The following ITPR2 variants were observed in gnomAD, a reference collection of about 807,000 sequenced individuals.
The protein encoded by ITPR2 is inositol 1,4,5-trisphosphate-gated calcium channel ITPR2.
A neutral mutation model predicts 317.1 loss-of-function variants in ITPR2; 207 were observed. That is an observed-to-expected ratio of 0.65 (90% CI 0.58 to 0.73). The LOEUF (loss-of-function observed/expected upper bound fraction) is 0.73, where lower values mean the gene tolerates loss of function less well. Among genes scored for constraint, ITPR2 ranks in the 30% least tolerant of loss-of-function variants. ITPR2 has a pLI of 0.00. For synonymous variants in ITPR2, 1,156 were observed against 1,149.1 expected, an observed-to-expected ratio of 1.01 and a Z score of -0.12; for missense variants, 2,613 against 3,284.0, an observed-to-expected ratio of 0.80 and a Z score of 4.99.
intron 23 of ITPR2, among the ~76,000 whole-genome samples, chr12:26,626,719 G>T (rs773321179): frequency 1.3e-5 from 2 of 152,252 alleles, no homozygotes; most frequent in Non-Finnish European, 2.9e-5. Context: ...GATTCAGACA[G>T]CAGGACAGTT....
At chr12:26,665,858 T>C (rs1947614140) in intron 14 of ITPR2, 52 bp downstream of exon 14, 1 of 1,501,094 alleles carries the variant, frequency 6.7e-7, no homozygotes, top group Non-Finnish European at 9.1e-7. Context: ...CCTTTCCTGA[T>C]ACTGTAATTC....
At chr12:26,747,092 C>T (rs540046259) in intron 2 of ITPR2, among the ~76,000 whole-genome samples, 1 of 152,264 alleles carries the variant, frequency 6.6e-6, no homozygotes, top group East Asian at 1.9e-4. Context: ...GGTTAAACGC[C>T]ACTTAGTCAA....
intron 4 of ITPR2, among the ~76,000 whole-genome samples, chr12:26,724,138 C>A (rs1948882024): frequency 6.6e-6 from 1 of 151,988 alleles, no homozygotes; most frequent in Non-Finnish European, 1.5e-5. Context: ...AAAGGTGGGG[C>A]ATATATTAAC....
intron 13 of ITPR2, among the ~76,000 whole-genome samples, chr12:26,677,599 C>CAA (rs5797190): frequency 2.7e-5 from 4 of 149,650 alleles, no homozygotes; most frequent in African/African-American, 4.9e-5. Context: ...GACCCTCTCT[C>CAA]AAAAAAAAAT....
chr12:26,714,207 G>A (rs528212788), intron 8 of ITPR2, among the ~76,000 whole-genome samples: 3 of 152,190 alleles, frequency 2.0e-5, no homozygotes, highest in Admixed American at 2.0e-4. Context: ...GCATCTCGTC[G>A]GTAATTTGCC....
At chr12:26,525,179 G>A (rs1329717522) in intron 37 of ITPR2, among the ~76,000 whole-genome samples, 1 of 152,118 alleles carries the variant, frequency 6.6e-6, no homozygotes, top group East Asian at 1.9e-4. Context: ...ACCATGAGGA[G>A]AGTGTGGGCA....
At position 26,339,212 on chromosome 12, in the gene ITPR2, G is replaced by C; in HGVS notation, c.*185C>G. ...TTTCTAGCAGATGCATTTGAGGTTA[G>C]GTCTTCGCAACCATGAAAACACAGT... On this transcript the variant is annotated 3_prime_UTR_variant, in exon 57 of 57. Transcript: ENST00000381340. The C allele has an allele frequency of 1.7e-6, 1 of 578,660 alleles. No homozygotes were observed. The highest frequency in any genetic ancestry group is 3.1e-6 in the Non-Finnish European group (1 of 319,800). 35.8% of individuals were successfully genotyped at this position (578,660 alleles called of 1,614,324 possible). A position where few individuals can be genotyped will look rare whatever the true frequency, so the allele number is the denominator to read the frequency against.
rs11048649 is a variant in ITPR2, at chr12:26,684,105, T to C, written c.1149-1432A>G. ...ATCTAAAATAGCAGTTCTCCAATCT[T>C]TGTTCAAATAACTAGAAATTCTGAA... On this transcript the variant is annotated intron_variant, in intron 11 of 56. Coordinates refer to ENST00000381340, the MANE Select transcript of ITPR2 (RefSeq NM_002223.4). 6.2e-4 allele frequency among the ~76,000 whole-genome samples: 94 copies of C among 152,356 alleles called. No individual in the cohort carries two copies. In the East Asian group the frequency reaches 0.013, roughly 21 times the overall value.
chr12:26,823,498 G>A (rs766479506), intron 1 of ITPR2, among the ~76,000 whole-genome samples: 1 of 152,156 alleles, frequency 6.6e-6, no homozygotes, highest in Non-Finnish European at 1.5e-5. Flanking sequence ...ATTAAAAACA[G>A]CTTAATATCT....
intron 2 of ITPR2, among the ~76,000 whole-genome samples, chr12:26,784,382 G>T (rs1346685410): frequency 7.6e-6 from 1 of 131,466 alleles, no homozygotes; most frequent in Admixed American, 7.6e-5. Flanking sequence ...CTCCTTCCAC[G>T]GTCTCCCTCT....
At position 26,338,033 on chromosome 12, in the gene ITPR2, T is replaced by C. The variant is rs895599792; in HGVS notation, c.*1364A>G. 2 of 152,200 alleles carry C rather than the reference T, an allele frequency of 1.3e-5. No homozygotes were observed. The highest frequency in any genetic ancestry group is 4.8e-5 in the African/African-American group (2 of 41,432). 9.4% of individuals were successfully genotyped at this position (152,200 alleles called of 1,614,324 possible). On this transcript the variant is annotated 3_prime_UTR_variant, in exon 57 of 57. Coordinates refer to ENST00000381340, the MANE Select transcript of ITPR2 (RefSeq NM_002223.4). ...AAACCTTGGCGTTGATAACTGAGAA[T>C]TTAAAGACTCTGGAGGCAGTGTTTT...
chr12:26,656,976 GTCCAAATGGCATGAGTCAC>G (rs773278844), intron 18 of ITPR2, among the ~76,000 whole-genome samples: 21 of 152,264 alleles, frequency 1.4e-4, no homozygotes, highest in Non-Finnish European at 1.5e-4. Context: ...AAAGTGATCA[GTCCAAATGGCATGAGTCAC>G]TTGGCTTATC....
intron 48 of ITPR2, among the ~76,000 whole-genome samples, chr12:26,433,189 G>A (rs1002912352): frequency 2.0e-5 from 3 of 152,114 alleles, no homozygotes; most frequent in African/African-American, 7.2e-5. Flanking sequence ...ATAACCTTGG[G>A]GTTTGATATT....
chr12:26,533,583 G>A (rs1280326853), intron 37 of ITPR2, among the ~76,000 whole-genome samples: 2 of 152,182 alleles, frequency 1.3e-5, no homozygotes, highest in Non-Finnish European at 2.9e-5. Context: ...GATCTTTGAA[G>A]AGGTAATTAC....
intron 23 of ITPR2, among the ~76,000 whole-genome samples, chr12:26,627,053 A>G (rs1946637231): frequency 6.6e-6 from 1 of 152,194 alleles, no homozygotes; most frequent in Admixed American, 6.5e-5. Flanking sequence ...GTTATGCTCC[A>G]GTGCTCAGAG....
At chr12:26,570,566 G>T (rs1226202239) in intron 34 of ITPR2, among the ~76,000 whole-genome samples, 2 of 152,120 alleles carry the variant, frequency 1.3e-5, no homozygotes, top group Non-Finnish European at 2.9e-5. Context: ...AAGTTGGCTT[G>T]TAAATTGATG....
chr12:26,345,857 A>C (rs892816967), intron 55 of ITPR2, among the ~76,000 whole-genome samples: 1 of 147,998 alleles, frequency 6.8e-6, no homozygotes, highest in Admixed American at 6.7e-5. Flanking sequence ...GACTTGTAAT[A>C]TGTATGCCAT....
intron 8 of ITPR2, among the ~76,000 whole-genome samples, chr12:26,711,628 A>G (rs1471613831): frequency 6.6e-6 from 1 of 152,252 alleles, no homozygotes; most frequent in African/African-American, 2.4e-5. Flanking sequence ...AGTACCTTCA[A>G]GAGAAGAGAA....
chr12:26,583,469 C>A (rs1945450154), intron 32 of ITPR2, among the ~76,000 whole-genome samples: 1 of 151,840 alleles, frequency 6.6e-6, no homozygotes, highest in Non-Finnish European at 1.5e-5. Flanking sequence ...CATTCAGGCA[C>A]TGTTATTTAT....
Sources: allele counts gnomAD v4.1 joint callset (sites outside exome capture counted in the v4.1 genomes callset), GRCh38; gene constraint gnomAD v4.1.1; transcripts MANE v1.5; gene names NCBI Gene and HGNC (gene_info 2026-07-23, HGNC 2026-07-21).